Variants in TNNI3K observed in about 807,000 individuals in gnomAD.
TNNI3K encodes the protein serine/threonine-protein kinase TNNI3K.
A neutral mutation model predicts 114.5 loss-of-function variants in TNNI3K; 140 were observed. The ratio of observed to expected loss-of-function variants is 1.22; its 90% CI spans 1.07 to 1.41. TNNI3K has a LOEUF of 1.41. TNNI3K is among the 40% of genes most tolerant of loss of function. The pLI, the probability that TNNI3K is intolerant of heterozygous loss-of-function variation, is 0.00. For missense variants in TNNI3K, 1,125 were observed against 1,007.6 expected (o/e 1.12, Z -1.58); for synonymous variants, 347 against 347.5 (o/e 1.00, Z 0.02).
At chr1:74,359,170 T>G (rs1270011372) in intron 11 of TNNI3K, among the ~76,000 whole-genome samples, 1 of 152,024 alleles carries the variant, frequency 6.6e-6, no homozygotes, top group Non-Finnish European at 1.5e-5. Flanking sequence ...AATGACCTTG[T>G]GCAAGGCCTT....
At chr1:74,540,771 CT>C (rs5775244) in intron 24 of TNNI3K, among the ~76,000 whole-genome samples, 142,837 of 152,124 alleles carry the variant, frequency 0.94, 67,172 homozygotes, top group Middle Eastern at 0.97. Flanking sequence ...AGCTGTTCCC[CT>C]TTTAGCCAAG....
chr1:74,374,453 T>C (rs1052813268), intron 17 of TNNI3K: 1 of 151,926 alleles, frequency 6.6e-6, no homozygotes, highest in African/African-American at 2.4e-5. Context: ...CTGTATCTTC[T>C]ACTGTAACAA....
chr1:74,278,364 G>A (rs1337366115), intron 5 of TNNI3K, among the ~76,000 whole-genome samples: 5 of 152,146 alleles, frequency 3.3e-5, no homozygotes, highest in African/African-American at 1.2e-4. Flanking sequence ...TCACTGTGCT[G>A]TACTGCTTCT....
At chr1:74,481,963 A>C (rs1417435596) in intron 21 of TNNI3K, among the ~76,000 whole-genome samples, 1 of 152,140 alleles carries the variant, frequency 6.6e-6, no homozygotes, top group Non-Finnish European at 1.5e-5. Flanking sequence ...AAAATACGTA[A>C]AAGACAAAAG....
intron 10 of TNNI3K, 129 bp downstream of exon 10, chr1:74,353,489 A>C: frequency 1.0e-6 from 1 of 964,414 alleles, no homozygotes; most frequent in South Asian, 1.7e-5. Flanking sequence ...ATCAACTGCC[A>C]GCATTTAGAA....
intron 7 of TNNI3K, among the ~76,000 whole-genome samples, chr1:74,338,739 C>T (rs1660607048): frequency 6.6e-6 from 1 of 152,136 alleles, no homozygotes; most frequent in South Asian, 2.1e-4. Context: ...AAGGTAATTT[C>T]CAGTTTCCAA....
intron 2 of TNNI3K, among the ~76,000 whole-genome samples, chr1:74,242,785 G>C (rs1046771964): frequency 3.3e-5 from 5 of 152,082 alleles, no homozygotes; most frequent in Admixed American, 6.5e-5. Context: ...AACTAGTTAA[G>C]AACCATAATT....
intron 22 of TNNI3K, among the ~76,000 whole-genome samples, chr1:74,491,663 T>C (rs958856663): frequency 5.9e-5 from 9 of 152,230 alleles, no homozygotes; most frequent in Non-Finnish European, 1.2e-4. Context: ...TGATGTATTC[T>C]TGGAAAAGTG....
intron 17 of TNNI3K, among the ~76,000 whole-genome samples, chr1:74,408,992 C>CA (rs34316748): frequency 0.017 from 2,265 of 134,320 alleles, 21 homozygotes; most frequent in East Asian, 0.029. Flanking sequence ...CTCCATATAA[C>CA]AAAAAAAAAA....
intron 23 of TNNI3K, among the ~76,000 whole-genome samples, chr1:74,532,538 A>G (rs959551954): frequency 5.3e-5 from 8 of 151,828 alleles, no homozygotes; most frequent in African/African-American, 1.5e-4. Context: ...GGTTAGTTAC[A>G]TATGCATACA....
chr1:74,267,769 T>C (rs1656090216), intron 4 of TNNI3K, among the ~76,000 whole-genome samples: 1 of 151,902 alleles, frequency 6.6e-6, no homozygotes, highest in South Asian at 2.1e-4. Flanking sequence ...CCAACCAAGG[T>C]ATGAAAGGAT....
At chr1:74,395,411 G>T (rs1664025867) in intron 17 of TNNI3K, among the ~76,000 whole-genome samples, 1 of 152,094 alleles carries the variant, frequency 6.6e-6, no homozygotes, top group Admixed American at 6.5e-5. Context: ...GGCCTGCTCT[G>T]CCCAAGTGTC....
intron 23 of TNNI3K, among the ~76,000 whole-genome samples, chr1:74,500,150 TATA>T (rs1203729315): frequency 2.0e-5 from 3 of 152,048 alleles, no homozygotes; most frequent in African/African-American, 7.2e-5. Context: ...TCCTGACCTC[TATA>T]ATACCTCTTT....
intron 5 of TNNI3K, among the ~76,000 whole-genome samples, chr1:74,325,691 TGAGGAAAGGTA>T (rs1659862671): frequency 6.6e-6 from 1 of 151,356 alleles, no homozygotes; most frequent in South Asian, 2.1e-4. Flanking sequence ...GAATAGGAGG[TGAGGAAAGGTA>T]GAGGAAAGTT....
chr1:74,426,900 T>C (rs1160704152), intron 17 of TNNI3K, among the ~76,000 whole-genome samples: 4 of 152,032 alleles, frequency 2.6e-5, no homozygotes, highest in Non-Finnish European at 5.9e-5. Context: ...GCTTAGATCC[T>C]CAGTTCAGGG....
chr1:74,434,489 C>T (rs1374714839), intron 17 of TNNI3K, among the ~76,000 whole-genome samples: 1 of 151,922 alleles, frequency 6.6e-6, no homozygotes, highest in East Asian at 1.9e-4. Flanking sequence ...GATAAAGTCT[C>T]AGCACATATT....
chr1:74,286,778 G>A (rs185619244), intron 5 of TNNI3K, among the ~76,000 whole-genome samples: 83 of 152,192 alleles, frequency 5.5e-4, no homozygotes, highest in African/African-American at 1.8e-3. Flanking sequence ...TGTAAAGACT[G>A]GAAGAAGTGT....
chr1:74,239,878 A>T, intron 2 of TNNI3K: 1 of 457,682 alleles, frequency 2.2e-6, no homozygotes, highest in South Asian at 1.6e-5. Flanking sequence ...TGTGGGAGAG[A>T]GGGGAAATGG....
intron 17 of TNNI3K, chr1:74,375,663 C>A: frequency 2.2e-6 from 1 of 453,938 alleles, no homozygotes. Context: ...AAGAGGACAA[C>A]TTTGACACCC....
Sources: gnomAD v4.1 joint callset for allele counts (sites outside exome capture counted in the v4.1 genomes callset) on GRCh38, gnomAD v4.1.1 for gene constraint, MANE v1.5 for transcripts, NCBI Gene and HGNC (gene_info 2026-07-23, HGNC 2026-07-21) for gene names.